Variants in DOCK1 observed in about 807,000 individuals in gnomAD.
DOCK1 encodes dedicator of cytokinesis 1.
In DOCK1, 138 loss-of-function variants were observed where a neutral mutation model predicts 262.7. That is an observed-to-expected ratio of 0.53 (90% CI 0.46 to 0.61). DOCK1 has a LOEUF of 0.61. Ranked by LOEUF, DOCK1 falls within the 20% of genes least tolerant of loss-of-function variation. DOCK1 has a pLI of 0.00. For synonymous variants in DOCK1, 866 were observed against 867.4 expected (o/e 1.00, Z 0.03); for missense variants, 1,908 against 2,370.7 (o/e 0.80, Z 4.05).
chr10:127,104,632 C>T (rs560011894), intron 23 of DOCK1, among the ~76,000 whole-genome samples: 1 of 152,200 alleles, frequency 6.6e-6, no homozygotes, highest in South Asian at 2.1e-4. Flanking sequence ...CAAAGTGTTA[C>T]CCTATTCATT....
chr10:127,371,039 CA>C (rs766125897), intron 33 of DOCK1, among the ~76,000 whole-genome samples: 5 of 152,216 alleles, frequency 3.3e-5, no homozygotes, highest in Non-Finnish European at 7.3e-5. Flanking sequence ...AATCACCAGA[CA>C]ATGTGCATTT....
chr10:127,072,519 C>T (rs988035276), intron 23 of DOCK1, among the ~76,000 whole-genome samples: 4 of 152,100 alleles, frequency 2.6e-5, no homozygotes, highest in Non-Finnish European at 2.9e-5. Context: ...CAAGGTATAT[C>T]GGGGCATTGG....
At chr10:126,941,021 A>G (rs2034938701) in intron 1 of DOCK1, among the ~76,000 whole-genome samples, 5 of 152,266 alleles carry the variant, frequency 3.3e-5, no homozygotes, top group Admixed American at 2.6e-4. Context: ...AGTAATTATC[A>G]TCTGTACATT....
intron 46 of DOCK1, among the ~76,000 whole-genome samples, chr10:127,420,375 T>A (rs1051642126): frequency 6.6e-6 from 1 of 152,198 alleles, no homozygotes; most frequent in Non-Finnish European, 1.5e-5. Flanking sequence ...AGAGCCTTCC[T>A]GAGCCTGGAA....
At chr10:127,195,718 C>T (rs1157986980) in intron 27 of DOCK1, among the ~76,000 whole-genome samples, 1 of 152,238 alleles carries the variant, frequency 6.6e-6, no homozygotes, top group Non-Finnish European at 1.5e-5. Flanking sequence ...AGCCCCGCTC[C>T]TCCCTGACGT....
intron 18 of DOCK1, among the ~76,000 whole-genome samples, chr10:127,036,366 C>T (rs2043615532): frequency 6.6e-6 from 1 of 152,134 alleles, no homozygotes; most frequent in Non-Finnish European, 1.5e-5. Context: ...GAGCTTATTG[C>T]CTGCATGCCT....
intron 27 of DOCK1, among the ~76,000 whole-genome samples, chr10:127,190,409 T>A (rs1321761227): frequency 6.6e-6 from 1 of 152,182 alleles, no homozygotes; most frequent in Non-Finnish European, 1.5e-5. Flanking sequence ...CAATCAGGAT[T>A]CCCTGAGTTG....
chr10:126,948,587 C>T (rs1005676370), intron 1 of DOCK1, among the ~76,000 whole-genome samples: 6 of 151,892 alleles, frequency 4.0e-5, no homozygotes, highest in Non-Finnish European at 7.4e-5. Context: ...TGAAACAGGG[C>T]CCTCAAAATG....
intron 28 of DOCK1, among the ~76,000 whole-genome samples, chr10:127,250,806 A>G (rs1382667998): frequency 6.6e-6 from 1 of 150,876 alleles, no homozygotes; most frequent in African/African-American, 2.4e-5. Context: ...AAAAAAAAAA[A>G]AAAAAAAAAA....
rs115917378 is a variant in DOCK1, at chr10:127,063,702, G to A, written c.2445+1926G>A. ...TAAGAATAGATAAAAATTACAGGAA[G>A]TTTTGAGCCCAGCAGTAATTTTAGA... On this transcript the variant is annotated intron_variant, in intron 23 of 51. Coordinates refer to ENST00000623213, the MANE Select transcript of DOCK1 (RefSeq NM_001290223.2). Among the ~76,000 whole-genome samples the A allele has an allele frequency of 3.8e-3, 578 of 152,236 alleles. 1 individual carries two copies. Among genetic ancestry groups the A allele is most frequent in the African/African-American group, 0.013 (545 of 41,532 alleles).
chr10:126,978,611 T>G (rs2038722121), intron 3 of DOCK1, among the ~76,000 whole-genome samples: 3 of 152,194 alleles, frequency 2.0e-5, no homozygotes, highest in Admixed American at 1.3e-4. Flanking sequence ...TTCTGTTTCA[T>G]TCTACGATGT....
chr10:127,023,831 T>A (rs2042627180), intron 14 of DOCK1, among the ~76,000 whole-genome samples: 1 of 152,158 alleles, frequency 6.6e-6, no homozygotes. Flanking sequence ...GCAGTCACAC[T>A]AGAAGTACAG....
chr10:127,036,208 C>T (rs2043603530), intron 18 of DOCK1, among the ~76,000 whole-genome samples: 1 of 152,154 alleles, frequency 6.6e-6, no homozygotes, highest in Non-Finnish European at 1.5e-5. Flanking sequence ...CAGATGAGAA[C>T]ACTGAGGTGA....
chr10:127,163,308 C>T (rs1322914454), intron 27 of DOCK1, among the ~76,000 whole-genome samples: 1 of 152,062 alleles, frequency 6.6e-6, no homozygotes, highest in African/African-American at 2.4e-5. Flanking sequence ...TCCCACCTCT[C>T]CCTCCCTCCC....
intron 10 of DOCK1, among the ~76,000 whole-genome samples, chr10:127,004,764 G>GC (rs1378202180): frequency 4.0e-4 from 6 of 14,926 alleles, no homozygotes; most frequent in East Asian, 1.5e-3. Flanking sequence ...ACGGCCCCCT[G>GC]CCCCGCCACC....
intron 13 of DOCK1, 95 bp from the exon 14 acceptor site, chr10:127,023,105 A>G (rs2042560492): frequency 7.4e-7 from 1 of 1,356,988 alleles, no homozygotes; most frequent in East Asian, 2.4e-5. Flanking sequence ...TGTATTTGTA[A>G]TAATCTATGA....
intron 27 of DOCK1, among the ~76,000 whole-genome samples, chr10:127,200,382 T>G (rs556074484): frequency 6.6e-6 from 1 of 152,324 alleles, no homozygotes; most frequent in South Asian, 2.1e-4. Flanking sequence ...ATTTCTTAAT[T>G]ATTATATTTT....
chr10:127,315,239 G>A (rs945066204), intron 29 of DOCK1, among the ~76,000 whole-genome samples: 8 of 152,152 alleles, frequency 5.3e-5, no homozygotes, highest in South Asian at 4.1e-4. Flanking sequence ...CTATATCCAC[G>A]GGAACCTGTT....
chr10:127,118,062 A>G (rs1398018861), intron 25 of DOCK1, among the ~76,000 whole-genome samples: 1 of 152,176 alleles, frequency 6.6e-6, no homozygotes, highest in Non-Finnish European at 1.5e-5. Flanking sequence ...GAGTTTGTGC[A>G]GGACCACATG....
Sources: allele counts gnomAD v4.1 joint callset (sites outside exome capture counted in the v4.1 genomes callset), GRCh38; gene constraint gnomAD v4.1.1; transcripts MANE v1.5; gene names NCBI Gene and HGNC (gene_info 2026-07-23, HGNC 2026-07-21).